TAGAP: variants seen among roughly 807,000 people sequenced by gnomAD.
The protein encoded by TAGAP is T cell activation RhoGTPase activating protein.
TAGAP carries 16 observed loss-of-function variants against 36.0 expected under a neutral mutation model. The observed-to-expected ratio is 0.44, with a 90% confidence interval of 0.30 to 0.68. The LOEUF (loss-of-function observed/expected upper bound fraction) is 0.68. TAGAP is among the 30% of genes least tolerant of loss of function. TAGAP has a pLI of 0.09. For missense variants in TAGAP, 794 were observed against 921.5 expected, an observed-to-expected ratio of 0.86 and a Z score of 1.79; for synonymous variants, 372 against 377.4, an observed-to-expected ratio of 0.99 and a Z score of 0.17.
chr6:159,039,447 A>G, intron 7 of TAGAP, 138 bp from the exon 8 acceptor site: 1 of 904,978 alleles, frequency 1.1e-6, no homozygotes, highest in Non-Finnish European at 1.7e-6. Context: ...TGAAATGCTC[A>G]TTCAGACACT....
At chr6:159,042,476 C>T in intron 4 of TAGAP, 1 of 814,984 alleles carries the variant, frequency 1.2e-6, no homozygotes, top group Non-Finnish European at 1.7e-6. Context: ...AACAGCAACA[C>T]CAGAGTTCCT....
In TAGAP at chr6:159,038,161, T is replaced by C. The variant is rs761505429; in HGVS notation, c.851A>G (p.His284Arg). 1.2e-6 allele frequency: 2 copies of C among 1,613,660 alleles called. No individual in the cohort carries two copies. The highest frequency in any genetic ancestry group is 8.5e-7 in the Non-Finnish European group (1 of 1,179,714). Residue 284 changes from histidine (H) to arginine (R), a missense_variant, in exon 9 of 10, where the codon CAT (histidine) becomes CGT (arginine). By Grantham distance (29) the His-to-Arg change is conservative. Transcript: ENST00000367066. ...FEIFGENIPVHSSITSDDSLE... is the reference protein window; with the variant it reads ...FEIFGENIPVRSSITSDDSLE... ...GGAGTCATCAGAAGTGATACTGGAA[T>C]GCACTGGAATGTTCTCCCCAAATAT...
In TAGAP at chr6:159,041,597, G is replaced by A. The variant is rs1220037110; in HGVS notation, c.316-82C>T. 2 of 1,431,584 alleles carry A rather than the reference G, an allele frequency of 1.4e-6. No homozygotes were observed. The highest frequency in any genetic ancestry group is 5.4e-5 in the Admixed American group (2 of 37,064). The allele number at this position is 1,431,584 out of a possible 1,614,324, so 88.7% of individuals were successfully genotyped here. On this transcript the variant is annotated intron_variant, in intron 5 of 9. Coordinates refer to ENST00000367066, the MANE Select transcript of TAGAP (RefSeq NM_054114.5). This position sits in a 1 kb window ranked among gnomAD's most constrained non-coding sequence, Gnocchi z 4.1. ...AGATAGTCTTAACAGGAATATTGAT[G>A]TCAGATTTTGCTTTCAGTCCAGTTG...
Position 159,040,748 on chromosome 6 carries a change from C to T in TAGAP, c.562G>A (p.Glu188Lys). The change falls in exon 7 of 10, where the codon GAG becomes AAG. Residue 188 changes from glutamate (E) to lysine (K), a missense_variant. By Grantham distance (56) the Glu-to-Lys change is moderately conservative (BLOSUM62 1). Coordinates refer to ENST00000367066, the MANE Select transcript of TAGAP (RefSeq NM_054114.5). ...TGTTTCAGGGCCTCGATTCTGTCCT[C>T]CTCGTCCTGCATCTCCAGAGCACCC... is the stretch of plus-strand genomic sequence containing the variant. ...WMGALEMQDE[E>K]DRIEALKQVA... is the part of the protein sequence containing the mutation. The T allele has an allele frequency of 6.2e-7, 1 of 1,614,116 alleles. No individual in the cohort carries two copies. The highest frequency in any genetic ancestry group is 8.5e-7 in the Non-Finnish European group (1 of 1,180,018).
intron 8 of TAGAP, 152 bp downstream of exon 8, chr6:159,038,962 G>T: frequency 6.7e-7 from 1 of 1,487,900 alleles, no homozygotes; most frequent in Non-Finnish European, 9.0e-7. Context: ...GTATCTGAGA[G>T]AGTGGAACTA....
rs201547518 is a variant in TAGAP, at chr6:159,042,036, A to C, written c.315+42T>G. 13 of 1,577,238 alleles carry C rather than the reference A, an allele frequency of 8.2e-6. No homozygotes were observed. The African/African-American group carries it at 1.8e-4, about 21-fold the overall frequency. On this transcript the variant is annotated intron_variant, in intron 5 of 9. Transcript: ENST00000367066. Reference sequence around the variant, plus strand: ...GATTTCCCGAGTATTTTGCATGTCCAACTGAAAACTGAAGTAGGTTTATGA... The same window carrying C: ...GATTTCCCGAGTATTTTGCATGTCCCACTGAAAACTGAAGTAGGTTTATGA...
intron 3 of TAGAP, 74 bp downstream of exon 3, chr6:159,043,904 A>G: frequency 2.2e-6 from 3 of 1,366,932 alleles, no homozygotes; most frequent in South Asian, 2.5e-5. Context: ...TTCAACCCAA[A>G]TAATATTCAA....
intron 8 of TAGAP, 39 bp from the exon 9 acceptor site, chr6:159,038,267 T>TAA: frequency 7.5e-6 from 2 of 267,116 alleles, no homozygotes; most frequent in Non-Finnish European, 1.1e-5. Flanking sequence ...CTTGAAGACT[T>TAA]TTTTTTTTTT....
Position 159,036,888 on chromosome 6 carries a change from G to T in TAGAP, c.1135C>A (p.Pro379Thr), listed in dbSNP as rs1779559660. The stretch of plus-strand genomic sequence containing the variant: ...CACTCCTGGGAGGATGGCATGCTGG[G>T]CTCTGAGTATCTCCTATCGGGCTGT... ...LAQPDRRYSE[P>T]SMPSSQECLE... Residue 379 changes from proline (P) to threonine (T), a missense_variant, in exon 10 of 10, where the codon CCC (proline) becomes ACC (threonine). Coordinates refer to ENST00000367066, the MANE Select transcript of TAGAP (RefSeq NM_054114.5). The surrounding 1 kb of genome is among the most constrained non-coding windows in gnomAD (Gnocchi z 4.9). The T allele has an allele frequency of 1.8e-5, 29 of 1,614,104 alleles. No homozygotes were observed. The highest frequency in any genetic ancestry group is 2.4e-5 in the Non-Finnish European group (28 of 1,180,050).
At chr6:159,040,690 G>A (rs775705527) in intron 7 of TAGAP, 33 bp downstream of exon 7, 3 of 1,535,544 alleles carry the variant, frequency 2.0e-6, no homozygotes, top group Admixed American at 3.3e-5. Context: ...AGGTGATGTG[G>A]CCTGGCAATG....
chr6:159,040,877 G>A (rs773020416), intron 6 of TAGAP, 45 bp from the exon 7 acceptor site: 3 of 1,453,396 alleles, frequency 2.1e-6, no homozygotes, highest in East Asian at 2.3e-5. Flanking sequence ...ACTGTATGAT[G>A]TCCCATGTCC....
rs763905521 is a variant in TAGAP at position 159,036,494 on chromosome 6, G to A, written c.1529C>T (p.Ser510Phe). Reference sequence around the variant, plus strand: ...TTTTTTGTGAGGGGCAAAGGTGAAAGACATGGAGTGCTTTTTAATTTCTCG... The same window carrying A: ...TTTTTTGTGAGGGGCAAAGGTGAAAAACATGGAGTGCTTTTTAATTTCTCG... ...PSREIKKHSM[S>F]FTFAPHKKVL... Residue 510 changes from serine (S) to phenylalanine (F), a missense_variant, in exon 10 of 10, where the codon TCT becomes TTT. Transcript: ENST00000367066. This position sits in a 1 kb window ranked among gnomAD's most constrained non-coding sequence, Gnocchi z 4.9. 1.2e-6 allele frequency: 2 copies of A among 1,614,142 alleles called. No homozygotes were observed. The highest frequency in any genetic ancestry group is 4.5e-5 in the East Asian group (2 of 44,878).
At position 159,036,685 on chromosome 6, in the gene TAGAP, G is replaced by A. The variant is rs768154999; in HGVS notation, c.1338C>T (p.Ala446=). 2.5e-6 allele frequency: 4 copies of A among 1,614,000 alleles called. No individual in the cohort carries two copies. Among genetic ancestry groups the A allele is most frequent in the South Asian group, 1.1e-5 (1 of 91,088 alleles). ...RPVDLKIKNL[A]PGSVLPRALV... ...GTGCCCGCGGGAGCACCGAACCCGG[G>A]GCCAAGTTCTTGATCTTCAGGTCCA... is the stretch of plus-strand genomic sequence containing the variant. The change falls in exon 10 of 10, where the codon GCC becomes GCT. Residue 446 remains alanine (A), a synonymous_variant. Transcript: ENST00000367066. The surrounding 1 kb of genome is among the most constrained non-coding windows in gnomAD (Gnocchi z 4.9).
rs1225311984 is a variant in TAGAP at position 159,035,611 on chromosome 6, T to C, written c.*216A>G. On this transcript the variant is annotated 3_prime_UTR_variant, in exon 10 of 10. Coordinates refer to ENST00000367066, the MANE Select transcript of TAGAP (RefSeq NM_054114.5). ...TTTGCACCTAACACCTTATCTATAA[T>C]ACATTTGATACATTTTTACATATTG... 3 of 511,524 alleles carry C rather than the reference T, an allele frequency of 5.9e-6. No individual in the cohort carries two copies. Among genetic ancestry groups the C allele is most frequent in the African/African-American group, 1.9e-5 (1 of 52,982 alleles). 31.7% of individuals were successfully genotyped at this position (511,524 alleles called of 1,614,324 possible).
Position 159,036,621 on chromosome 6 carries a change from A to G in TAGAP, c.1402T>C (p.Ser468Pro). The part of the protein sequence containing the change: ...KAFSSSSLDA[S>P]SDSSPVASPS... ...GAAGCCACGGGCGAGCTGTCAGAGG[A>G]CGCGTCCAGCGAGCTGCTGGAGAAG... Residue 468 changes from serine (S) to proline (P), a missense_variant, in exon 10 of 10, where the codon TCC becomes CCC. Physicochemically the swap from Ser to Pro is moderately conservative, Grantham distance 74. Transcript: ENST00000367066. This position sits in a 1 kb window ranked among gnomAD's most constrained non-coding sequence, Gnocchi z 4.9. 1 of 1,614,064 alleles carries G rather than the reference A, an allele frequency of 6.2e-7. No homozygotes were observed. The highest frequency in any genetic ancestry group is 8.5e-7 in the Non-Finnish European group (1 of 1,179,980).
chr6:159,041,164 C>T lies in TAGAP; in HGVS notation c.477+190G>A. On this transcript the variant is annotated intron_variant, in intron 6 of 9. Coordinates refer to ENST00000367066, the MANE Select transcript of TAGAP (RefSeq NM_054114.5). The surrounding 1 kb of genome is among the most constrained non-coding windows in gnomAD (Gnocchi z 4.1). ...TTGGGAGAGCAGAATGCATCACTTT[C>T]TGTTGGAATCTGAGGTCACAGAAAC... The T allele has an allele frequency of 2.7e-6, 2 of 733,132 alleles. No homozygotes were observed. Among genetic ancestry groups the T allele is most frequent in the Non-Finnish European group, 4.4e-6 (2 of 459,138 alleles). 45.4% of individuals were successfully genotyped at this position (733,132 alleles called of 1,614,324 possible).
At chr6:159,038,078 C>T (rs1463993655) in intron 9 of TAGAP, 36 bp downstream of exon 9, 18 of 1,404,130 alleles carry the variant, frequency 1.3e-5, no homozygotes, top group Non-Finnish European at 1.8e-5. Context: ...TGAACTTTTC[C>T]CTACAATCGT....
rs1779479152 is a variant in TAGAP, at chr6:159,034,952, A to G, written c.*875T>C. On this transcript the variant is annotated 3_prime_UTR_variant, in exon 10 of 10. Coordinates refer to ENST00000367066, the MANE Select transcript of TAGAP (RefSeq NM_054114.5). ...TGATTTTCTTAGTGGATTTCTATTA[A>G]TTGAGGGAAAGGAGTTAACATGTCA... is the stretch of plus-strand genomic sequence containing the variant. 1 of 152,352 alleles carries G rather than the reference A, an allele frequency of 6.6e-6. No homozygotes were observed. Among genetic ancestry groups the G allele is most frequent in the African/African-American group, 2.4e-5 (1 of 41,464 alleles). The allele number at this position is 152,352 out of a possible 1,614,324, so 9.4% of individuals were successfully genotyped here.
chr6:159,042,282 C>T, intron 4 of TAGAP, 38 bp from the exon 5 acceptor site: 10 of 1,597,080 alleles, frequency 6.3e-6, no homozygotes, highest in Non-Finnish European at 8.5e-6. Context: ...AAAAATTAGA[C>T]TACAGTGTTA....
Sources: gnomAD v4.1 joint callset for allele counts on GRCh38, gnomAD v4.1.1 for gene constraint, Gnocchi (gnomAD v3.1) non-coding constraint, MANE v1.5 for transcripts, NCBI Gene and HGNC (gene_info 2026-07-23, HGNC 2026-07-21) for gene names.